Variants in UBR4 observed in about 807,000 individuals in gnomAD.
The protein encoded by UBR4 is E3 ubiquitin-protein ligase UBR4.
Under a neutral mutation model 575.6 loss-of-function variants are expected in UBR4, and 124 were observed. The observed-to-expected ratio is 0.22, with a 90% CI of 0.19 to 0.25. UBR4 has a LOEUF of 0.25. Ranked by LOEUF, UBR4 falls within the 10% of genes least tolerant of loss-of-function variation. The pLI is 1.00. For synonymous variants in UBR4, 2,455 were observed against 2,473.7 expected, an observed-to-expected ratio of 0.99 and a Z score of 0.22; for missense variants, 4,818 against 6,478.8, an observed-to-expected ratio of 0.74 and a Z score of 8.80.
At chr1:19,087,020 A>G (rs2077079345) in intron 99 of UBR4, among the ~76,000 whole-genome samples, 199 bp from the exon 100 acceptor site, 1 of 152,274 alleles carries the variant, frequency 6.6e-6, no homozygotes, top group African/African-American at 2.4e-5. Context: ...AGCCCTAGTG[A>G]AACAAGGATT....
intron 41 of UBR4, 138 bp from the exon 42 acceptor site, chr1:19,156,561 A>C: frequency 7.8e-7 from 1 of 1,277,048 alleles, no homozygotes; most frequent in Non-Finnish European, 1.1e-6. Context: ...AGTAACATTC[A>C]GGTTTCATGA....
In UBR4 at chr1:19,176,701, G is replaced by A. The variant is rs372785943; in HGVS notation, c.2664C>T (p.Pro888=). Residue 888 remains proline, a synonymous_variant, in exon 20 of 106, where the codon CCC becomes CCT. Transcript: ENST00000375254. Reference sequence around the variant, plus strand: ...CCTGGGATCCACTTGCCCACCCAAAGGGAGGACTTAGCAGGTTATGCTGTA... The same window carrying A: ...CCTGGGATCCACTTGCCCACCCAAAAGGAGGACTTAGCAGGTTATGCTGTA... ...EQVQHNLLSP[P]FGWASGSQDS... is the part of the protein sequence containing the mutation. 25 of 1,613,956 alleles carry A rather than the reference G, an allele frequency of 1.5e-5. No homozygotes were observed. Among genetic ancestry groups the A allele is most frequent in the Non-Finnish European group, 1.8e-5 (21 of 1,180,014 alleles).
Position 19,152,216 on chromosome 1 carries a change from T to G in UBR4, c.6996+97A>C. 6.8e-7 allele frequency: 1 copy of G among 1,460,668 alleles called. No individual in the cohort carries two copies. Among genetic ancestry groups the G allele is most frequent in the Non-Finnish European group, 9.4e-7 (1 of 1,062,626 alleles). 90.5% of individuals were successfully genotyped at this position (1,460,668 alleles called of 1,614,324 possible). A position where few individuals can be genotyped will look rare whatever the true frequency, so the allele number is the denominator to read the frequency against. ...ACCGAGGGTTGTGACTGTGAGTATA[T>G]ACTCTATACTTGCTTTCTAAAAGGA... On this transcript the variant is annotated intron_variant, in intron 47 of 105. Coordinates refer to ENST00000375254, the MANE Select transcript of UBR4 (RefSeq NM_020765.3). The surrounding 1 kb of genome is among the most constrained non-coding windows in gnomAD (Gnocchi z 4.4).
At chr1:19,171,038 C>T (rs1221077346) in intron 25 of UBR4, among the ~76,000 whole-genome samples, 155 bp from the exon 26 acceptor site, 2 of 152,122 alleles carry the variant, frequency 1.3e-5, no homozygotes, top group Admixed American at 6.5e-5. Context: ...CTAAGAATTC[C>T]AATGGGTAAT....
chr1:19,149,445 C>T (rs1442385672), intron 49 of UBR4, among the ~76,000 whole-genome samples: 1 of 152,148 alleles, frequency 6.6e-6, no homozygotes, highest in Non-Finnish European at 1.5e-5. Context: ...AGTGGGTTAT[C>T]AGATGGTAGG....
intron 17 of UBR4, 96 bp from the exon 18 acceptor site, chr1:19,179,316 G>A: frequency 1.6e-6 from 2 of 1,261,046 alleles, no homozygotes; most frequent in Non-Finnish European, 2.1e-6. Flanking sequence ...GTTTAATATT[G>A]AACAGAATAT....
chr1:19,074,743 C>A lies in UBR4; in HGVS notation c.*89G>T. The A allele has an allele frequency of 1.4e-6, 2 of 1,464,418 alleles. No individual in the cohort carries two copies. The highest frequency in any genetic ancestry group is 1.9e-6 in the Non-Finnish European group (2 of 1,059,192). 90.7% of individuals were successfully genotyped at this position (1,464,418 alleles called of 1,614,324 possible). On this transcript the variant is annotated 3_prime_UTR_variant, in exon 106 of 106. Coordinates refer to ENST00000375254, the MANE Select transcript of UBR4 (RefSeq NM_020765.3). ...AGGGCGGGGTAACAATGCAGCATCC[C>A]GCGGAGGGAACTTAATGCACAAGGA...
intron 101 of UBR4, among the ~76,000 whole-genome samples, chr1:19,085,201 T>G (rs2076891853): frequency 6.6e-6 from 1 of 152,232 alleles, no homozygotes; most frequent in African/African-American, 2.4e-5. Context: ...GCTCAAACTC[T>G]GCATCTCATC....
chr1:19,116,122 ATG>A (rs2080498509), intron 73 of UBR4, among the ~76,000 whole-genome samples: 1 of 152,248 alleles, frequency 6.6e-6, no homozygotes, highest in Non-Finnish European at 1.5e-5. Flanking sequence ...ATATAACACA[ATG>A]AGAGCTAATA....
At position 19,168,108 on chromosome 1, in the gene UBR4, A is replaced by G. The variant is rs778863597; in HGVS notation, c.3818T>C (p.Leu1273Pro). The change falls in exon 28 of 106, where the codon CTC becomes CCC. Residue 1273 changes from leucine (L) to proline (P), a missense_variant. Coordinates refer to ENST00000375254, the MANE Select transcript of UBR4 (RefSeq NM_020765.3). ...AGCCAGGGGCAGACTTTGGCTACAG[A>G]GAGTCCCCAGGTGTGCAGCCTGCAC... is the stretch of plus-strand genomic sequence containing the variant. ...SAVQAAHLGT[L>P]CSQSLPLAAS... The G allele has an allele frequency of 6.2e-7, 1 of 1,613,768 alleles. No individual in the cohort carries two copies. The highest frequency in any genetic ancestry group is 2.2e-5 in the East Asian group (1 of 44,862).
At chr1:19,128,738 T>C (rs2082093273) in intron 61 of UBR4, among the ~76,000 whole-genome samples, 1 of 152,208 alleles carries the variant, frequency 6.6e-6, no homozygotes, top group Non-Finnish European at 1.5e-5. Flanking sequence ...AGAAGTGGGC[T>C]TTTGCACTGG....
rs375870317 is a variant in UBR4 at position 19,190,313 on chromosome 1, AT to A, written c.1394+1874del. Among the ~76,000 whole-genome samples the A allele has an allele frequency of 9.6e-3, 465 of 48,300 alleles. 7 individuals are homozygous for A. Among genetic ancestry groups the A allele is most frequent in the African/African-American group, 0.026 (317 of 12,078 alleles). The allele number at this position is 48,300 out of a possible 152,430, so 31.7% of individuals were successfully genotyped here. Reference sequence around the variant, plus strand: ...GCCTCAAAAAAAAAAAAAAAAAAAAATATATATATATATATATTTGTATGGA... The same window carrying A: ...GCCTCAAAAAAAAAAAAAAAAAAAAAATATATATATATATATTTGTATGGA... On this transcript the variant is annotated intron_variant, in intron 11 of 105. Coordinates refer to ENST00000375254, the MANE Select transcript of UBR4 (RefSeq NM_020765.3).
rs768768893 is a variant in UBR4 at position 19,197,952 on chromosome 1, T to A, written c.746A>T (p.Glu249Val). 164 of 1,614,018 alleles carry A rather than the reference T, an allele frequency of 1.0e-4. No individual in the cohort carries two copies. The highest frequency in any genetic ancestry group is 1.4e-4 in the Non-Finnish European group (163 of 1,180,028). Residue 249 changes from glutamate to valine, a missense_variant, in exon 6 of 106, where the codon GAG becomes GTG. By Grantham distance (121) the Glu-to-Val change is moderately radical. Around this residue, in one of 29 missense-constraint regions of UBR4, gnomAD observed 131 missense variants for 214.5 expected, o/e 0.61. Transcript: ENST00000375254. Reference sequence around the variant, plus strand: ...ATAACAGTTGGGAGTCTTACCAAGCTCTTGAAGACTAGCCACGTTCTGAGC... The same window carrying A: ...ATAACAGTTGGGAGTCTTACCAAGCACTTGAAGACTAGCCACGTTCTGAGC... ...FIAQNVASLQ[E>V]LGGSEKLLRV...
intron 38 of UBR4, 96 bp from the exon 39 acceptor site, chr1:19,160,377 G>A: frequency 8.4e-7 from 1 of 1,186,132 alleles, no homozygotes; most frequent in Non-Finnish European, 1.2e-6. Context: ...ACTTCCTTCA[G>A]AATCCAGCTA....
chr1:19,157,423 G>A lies in UBR4; in HGVS notation c.5760+392C>T, dbSNP rs928049652. 1.3e-5 allele frequency among the ~76,000 whole-genome samples: 2 copies of A among 152,156 alleles called. No individual in the cohort carries two copies. The highest frequency in any genetic ancestry group is 2.4e-5 in the African/African-American group (1 of 41,426). Reference sequence around the variant, plus strand: ...GTGCTTAACAGAGCTGGGATGGCACGGCAGCACTACATAAGCAACACTGAG... The same window carrying A: ...GTGCTTAACAGAGCTGGGATGGCACAGCAGCACTACATAAGCAACACTGAG... On this transcript the variant is annotated intron_variant, in intron 40 of 105. Transcript: ENST00000375254. This position sits in a 1 kb window ranked among gnomAD's most constrained non-coding sequence, Gnocchi z 4.4.
At chr1:19,136,641 A>G (rs921099171) in intron 60 of UBR4, among the ~76,000 whole-genome samples, 6 of 152,212 alleles carry the variant, frequency 3.9e-5, no homozygotes, top group Admixed American at 2.6e-4. Flanking sequence ...ATCCATTCCA[A>G]ATCTGTTAGC....
At chr1:19,188,227 C>T (rs2091744437) in intron 11 of UBR4, among the ~76,000 whole-genome samples, 1 of 152,070 alleles carries the variant, frequency 6.6e-6, no homozygotes, top group African/African-American at 2.4e-5. Flanking sequence ...GAATTACCAA[C>T]TTCTATAAAA....
At chr1:19,107,031 G>T in intron 81 of UBR4, 65 bp from the exon 82 acceptor site, 1 of 1,587,036 alleles carries the variant, frequency 6.3e-7, no homozygotes, top group Non-Finnish European at 8.6e-7. Context: ...AGCCCCAACA[G>T]CATGGCACTG....
chr1:19,168,030 A>G lies in UBR4; in HGVS notation c.3896T>C (p.Ile1299Thr), dbSNP rs764524070. 11 of 1,611,260 alleles carry G rather than the reference A, an allele frequency of 6.8e-6. No homozygotes were observed. The highest frequency in any genetic ancestry group is 8.5e-6 in the Non-Finnish European group (10 of 1,178,162). The change falls in exon 28 of 106, where the codon ATT becomes ACT. Residue 1299 changes from isoleucine to threonine, a missense_variant. Coordinates refer to ENST00000375254, the MANE Select transcript of UBR4 (RefSeq NM_020765.3). Reference sequence around the variant, plus strand: ...GGGCTAGGTAGTAGGTACTTACACAATAAGATCTCCAGTCAACCTGACCAG... The same window carrying G: ...GGGCTAGGTAGTAGGTACTTACACAGTAAGATCTCCAGTCAACCTGACCAG... The part of the protein sequence containing the change: ...LSLVRLTGDL[I>T]VWSDEMNPPQ...
Sources: gnomAD v4.1 joint callset for allele counts (sites outside exome capture counted in the v4.1 genomes callset) on GRCh38, gnomAD v4.1.1 for gene constraint, gnomAD v4.1.1 regional missense constraint, Gnocchi (gnomAD v3.1) non-coding constraint, MANE v1.5 for transcripts, NCBI Gene and HGNC (gene_info 2026-07-23, HGNC 2026-07-21) for gene names.